The following AOX1 variants were observed in gnomAD, a reference collection of about 807,000 sequenced individuals.
AOX1 encodes the protein aldehyde oxidase 1, also known as aldehyde oxidase.
In AOX1, 153 loss-of-function variants were observed where a neutral mutation model predicts 169.5. The observed-to-expected ratio is 0.90, with a 90% CI of 0.79 to 1.03. AOX1 has a LOEUF of 1.03. Ranked by LOEUF, AOX1 falls within the 50% of genes least tolerant of loss-of-function variation. The probability of loss-of-function intolerance (pLI) is 0.00; values close to 1 mark genes in which losing one functional copy is unlikely to be tolerated. For missense variants in AOX1, 1,656 were observed against 1,663.9 expected, an observed-to-expected ratio of 1.00 and a Z score of 0.08; for synonymous variants, 562 against 581.9, an observed-to-expected ratio of 0.97 and a Z score of 0.49.
chr2:200,669,378 A>G (rs1353365603), intron 33 of AOX1, among the ~76,000 whole-genome samples, 197 bp from the exon 34 acceptor site: 3 of 151,950 alleles, frequency 2.0e-5, no homozygotes, highest in Non-Finnish European at 4.4e-5. Context: ...TGGGAGGCGG[A>G]GGTTGCAGTG....
chr2:200,659,128 CAA>C, intron 27 of AOX1, 35 bp from the exon 28 acceptor site: 1 of 1,606,952 alleles, frequency 6.2e-7, no homozygotes, highest in Non-Finnish European at 8.5e-7. Flanking sequence ...TGTGACTAAT[CAA>C]AGTGTTTAAA....
intron 25 of AOX1, among the ~76,000 whole-genome samples, chr2:200,650,317 G>A (rs574268240): frequency 3.8e-4 from 58 of 152,278 alleles, no homozygotes; most frequent in African/African-American, 1.3e-3. Context: ...AATTTGCTTC[G>A]GAGGGTGGGG....
At position 200,642,776 on chromosome 2, in the gene AOX1, C is replaced by G; in HGVS notation, c.2822C>G (p.Ala941Gly). The change falls in exon 25 of 35, where the codon GCC becomes GGC. Residue 941 changes from alanine (A) to glycine (G), a missense_variant. Coordinates refer to ENST00000374700, the MANE Select transcript of AOX1 (RefSeq NM_001159.4). Reference protein sequence around the residue: ...ITESCITEVAAKCGLSPEKVR... With the variant: ...ITESCITEVAGKCGLSPEKVR... The stretch of plus-strand genomic sequence containing the variant: ...GAATCTTGTATCACGGAAGTTGCAG[C>G]CAAATGTGGACTATCCCCTGAGAAG... 6.2e-7 allele frequency: 1 copy of G among 1,613,650 alleles called. No homozygotes were observed. Among genetic ancestry groups the G allele is most frequent in the Non-Finnish European group, 8.5e-7 (1 of 1,179,804 alleles).
chr2:200,663,006 A>C, intron 31 of AOX1, 37 bp downstream of exon 31: 1 of 1,522,322 alleles, frequency 6.6e-7, no homozygotes, highest in South Asian at 1.1e-5. Context: ...AGTTGCACTT[A>C]GGATGCACCT....
At chr2:200,642,485 A>C (rs1199208381) in intron 24 of AOX1, 125 bp from the exon 25 acceptor site, 4 of 629,024 alleles carry the variant, frequency 6.4e-6, no homozygotes, top group South Asian at 4.6e-5. Context: ...GGGCATGGGA[A>C]TATTTTAGCA....
At chr2:200,605,442 T>C (rs1334368631) in intron 9 of AOX1, 94 bp from the exon 10 acceptor site, 4 of 494,568 alleles carry the variant, frequency 8.1e-6, no homozygotes, top group Non-Finnish European at 1.0e-5. Context: ...TTTAGATATT[T>C]AAAGATATTA....
chr2:200,670,497 G>A (rs2036007108), intron 34 of AOX1, 132 bp from the exon 35 acceptor site: 2 of 707,142 alleles, frequency 2.8e-6, no homozygotes, highest in Non-Finnish European at 5.0e-6. Context: ...TACTTCACAG[G>A]CTGTTGTTCC....
At chr2:200,657,160 C>CAAAAAAAAAAAAA (rs1442000312) in intron 27 of AOX1, among the ~76,000 whole-genome samples, 1 of 59,140 alleles carries the variant, frequency 1.7e-5, no homozygotes, top group African/African-American at 5.9e-5. Flanking sequence ...TCCATCTCTA[C>CAAAAAAAAAAAAA]CAAAAATATA....
At chr2:200,650,756 G>A (rs2035563372) in intron 25 of AOX1, among the ~76,000 whole-genome samples, 1 of 152,218 alleles carries the variant, frequency 6.6e-6, no homozygotes, top group African/African-American at 2.4e-5. Flanking sequence ...CACAAGAGTA[G>A]CATAGAAAGC....
At chr2:200,638,365 A>G in intron 23 of AOX1, 63 bp downstream of exon 23, 1 of 1,460,444 alleles carries the variant, frequency 6.8e-7, no homozygotes, top group Non-Finnish European at 9.6e-7. Context: ...ATCAGTGCGC[A>G]GGGCAGTCTT....
At position 200,659,279 on chromosome 2, in the gene AOX1, G is replaced by A. The variant is rs139975106; in HGVS notation, c.3286G>A (p.Gly1096Ser). The change falls in exon 28 of 35, where the codon GGT becomes AGT. Residue 1096 changes from glycine to serine, a missense_variant. Physicochemically the swap from Gly to Ser is moderately conservative, Grantham distance 56. Coordinates refer to ENST00000374700, the MANE Select transcript of AOX1 (RefSeq NM_001159.4). ...AGGTTCTGTGGTGGCAGATCTCAAC[G>A]GTTTGGCAGTAAAGGTAACAGTCAC... ...SGGSVVADLN[G>S]LAVKDACQTL... The A allele has an allele frequency of 3.7e-5, 60 of 1,612,868 alleles. No homozygotes were observed. The highest frequency in any genetic ancestry group is 1.5e-4 in the African/African-American group (11 of 74,954).
chr2:200,613,862 CT>C lies in AOX1; in HGVS notation c.1511del (p.Leu504TrpfsTer31). The C allele has an allele frequency of 6.2e-7, 1 of 1,612,700 alleles. No individual in the cohort carries two copies. Among genetic ancestry groups the C allele is most frequent in the Non-Finnish European group, 8.5e-7 (1 of 1,179,954 alleles). ...ACRLILNEVS[L>X]LGSAPGGKVE... ...CAGGCTTATTCTGAATGAAGTCTCC[CT>C]TTTGGGCTCGGCGCCAGGTGGGAAA... On this transcript the variant is annotated frameshift_variant, in exon 15 of 35. Transcript: ENST00000374700. LOFTEE classifies it high-confidence loss of function.
chr2:200,595,599 T>C (rs2463490), intron 3 of AOX1, among the ~76,000 whole-genome samples: 113,742 of 151,784 alleles, frequency 0.75, 42,738 homozygotes, highest in East Asian at 0.81. Flanking sequence ...CAAAGCCAGG[T>C]ACAGTGGCAC....
Position 200,586,128 on chromosome 2 carries a change from T to G in AOX1, c.20T>G (p.Leu7Arg). The change falls in exon 1 of 35, where the codon CTG (leucine) becomes CGG (arginine). Residue 7 changes from leucine (L) to arginine (R), a missense_variant. Leu to Arg is a moderately radical substitution (Grantham distance 102). Coordinates refer to ENST00000374700, the MANE Select transcript of AOX1 (RefSeq NM_001159.4). MDRASE[L>R]LFYVNGRKVI... is the part of the protein sequence containing the mutation. The stretch of plus-strand genomic sequence containing the variant: ...ACCACAATGGACCGGGCGTCCGAGC[T>G]GCTCTTCTACGTGAACGGCCGCAAG... The G allele has an allele frequency of 6.4e-7, 1 of 1,566,212 alleles. No individual in the cohort carries two copies. Among genetic ancestry groups the G allele is most frequent in the Non-Finnish European group, 8.6e-7 (1 of 1,156,574 alleles).
At chr2:200,663,140 C>A (rs999456648) in intron 31 of AOX1, among the ~76,000 whole-genome samples, 171 bp downstream of exon 31, 1 of 152,184 alleles carries the variant, frequency 6.6e-6, no homozygotes, top group Non-Finnish European at 1.5e-5. Context: ...CCTTGGTGAT[C>A]TGGTTGCTGC....
intron 30 of AOX1, among the ~76,000 whole-genome samples, chr2:200,662,457 G>A (rs2035845961): frequency 6.6e-6 from 1 of 152,140 alleles, no homozygotes; most frequent in Non-Finnish European, 1.5e-5. Flanking sequence ...CACACAGAGG[G>A]GCAAATTCTG....
chr2:200,668,950 A>G (rs2035975326), intron 33 of AOX1, 147 bp downstream of exon 33: 1 of 684,986 alleles, frequency 1.5e-6, no homozygotes, highest in Admixed American at 3.3e-5. Flanking sequence ...CTAATCTAAC[A>G]TTATGATAAA....
Position 200,620,741 on chromosome 2 carries a change from A to C in AOX1, c.1796A>C (p.Tyr599Ser). The C allele has an allele frequency of 6.2e-7, 1 of 1,608,674 alleles. No homozygotes were observed. Among genetic ancestry groups the C allele is most frequent in the Non-Finnish European group, 8.5e-7 (1 of 1,178,294 alleles). ...AAGCATGCCACGGGGGAGGCCATCT[A>C]CTGTGATGACATGCCTCTGGTGGAC... is the stretch of plus-strand genomic sequence containing the variant. The part of the protein sequence containing the change: ...GVKHATGEAI[Y>S]CDDMPLVDQE... The change falls in exon 17 of 35, where the codon TAC becomes TCC. Residue 599 changes from tyrosine (Y) to serine (S), a missense_variant. Coordinates refer to ENST00000374700, the MANE Select transcript of AOX1 (RefSeq NM_001159.4).
rs773530848 is a variant in AOX1 at position 200,597,486 on chromosome 2, C to T, written c.290C>T (p.Thr97Ile). ...TTVEGIGSTH[T>I]RIHPVQERIA... is the part of the protein sequence containing the mutation. ...GTAGAAGGCATAGGAAGCACCCACA[C>T]CAGAATTCATCCTGTTCAGGTGAGG... is the stretch of plus-strand genomic sequence containing the variant. The change falls in exon 4 of 35, where the codon ACC (threonine) becomes ATC (isoleucine). Residue 97 changes from threonine to isoleucine, a missense_variant. Transcript: ENST00000374700. The T allele has an allele frequency of 6.2e-7, 1 of 1,611,818 alleles. No homozygotes were observed. The highest frequency in any genetic ancestry group is 2.2e-5 in the East Asian group (1 of 44,864).
Sources: gnomAD v4.1 joint callset for allele counts (sites outside exome capture counted in the v4.1 genomes callset) on GRCh38, gnomAD v4.1.1 for gene constraint, MANE v1.5 for transcripts, NCBI Gene and HGNC (gene_info 2026-07-23, HGNC 2026-07-21) for gene names.